PHTF2: variants seen among roughly 807,000 people sequenced by gnomAD.
The protein encoded by PHTF2 is protein PHTF2.
A neutral mutation model predicts 101.2 loss-of-function variants in PHTF2; 60 were observed. The observed-to-expected ratio is 0.59, with a 90% CI of 0.48 to 0.73. PHTF2 has a LOEUF of 0.73. Among genes scored for constraint, PHTF2 ranks in the 30% least tolerant of loss-of-function variants. PHTF2 has a pLI of 0.00. For synonymous variants in PHTF2, 311 were observed against 307.3 expected, an observed-to-expected ratio of 1.01 and a Z score of -0.13; for missense variants, 747 against 908.7, an observed-to-expected ratio of 0.82 and a Z score of 2.29.
intron 3 of PHTF2, among the ~76,000 whole-genome samples, chr7:77,870,537 C>G (rs192871453): frequency 2.0e-5 from 3 of 152,260 alleles, no homozygotes; most frequent in Admixed American, 1.3e-4. Flanking sequence ...TGTATGCTAG[C>G]CACACTGGCA....
intron 3 of PHTF2, among the ~76,000 whole-genome samples, chr7:77,888,408 G>A (rs569226653): frequency 3.3e-5 from 5 of 152,158 alleles, no homozygotes; most frequent in South Asian, 2.1e-4. Context: ...GAGCCGCTGC[G>A]CCCGGCCTAG....
At chr7:77,863,370 A>G (rs949000903) in intron 3 of PHTF2, among the ~76,000 whole-genome samples, 2 of 152,156 alleles carry the variant, frequency 1.3e-5, no homozygotes, top group South Asian at 2.1e-4. Flanking sequence ...TATTTTTCCA[A>G]TCTCAAAATG....
intron 13 of PHTF2, chr7:77,938,126 T>C (rs1252235601): frequency 6.4e-6 from 1 of 157,120 alleles, no homozygotes; most frequent in Non-Finnish European, 1.4e-5. Flanking sequence ...TTGTTAGATA[T>C]ATACAGGTGT....
At chr7:77,927,177 A>AATATATAT (rs386410516) in intron 11 of PHTF2, among the ~76,000 whole-genome samples, 3 of 78,160 alleles carry the variant, frequency 3.8e-5, no homozygotes, top group Admixed American at 1.8e-4. Flanking sequence ...AAAAAAAAAA[A>AATATATAT]ATATATATAT....
intron 2 of PHTF2, among the ~76,000 whole-genome samples, chr7:77,847,797 A>C (rs1183097626): frequency 6.6e-6 from 1 of 152,108 alleles, no homozygotes; most frequent in Non-Finnish European, 1.5e-5. Flanking sequence ...CAAGTACTGG[A>C]TCTTATTCAT....
intron 3 of PHTF2, among the ~76,000 whole-genome samples, chr7:77,857,341 A>C (rs1350930151): frequency 6.6e-6 from 1 of 152,190 alleles, no homozygotes; most frequent in East Asian, 1.9e-4. Flanking sequence ...ACCACAGGCC[A>C]TCATGGTACT....
intron 15 of PHTF2, among the ~76,000 whole-genome samples, chr7:77,941,253 T>G (rs1805614905): frequency 6.6e-6 from 1 of 152,198 alleles, no homozygotes; most frequent in Non-Finnish European, 1.5e-5. Flanking sequence ...GAAGCCCTAA[T>G]AATAATAATG....
At chr7:77,827,272 A>G (rs1794756078) in intron 1 of PHTF2, among the ~76,000 whole-genome samples, 1 of 152,162 alleles carries the variant, frequency 6.6e-6, no homozygotes, top group African/African-American at 2.4e-5. Flanking sequence ...CTCGTGTGGC[A>G]AGACATCTGA....
intron 2 of PHTF2, among the ~76,000 whole-genome samples, chr7:77,850,528 AC>A (rs1796672406): frequency 6.6e-6 from 1 of 151,130 alleles, no homozygotes; most frequent in African/African-American, 2.4e-5. Context: ...TGTAGTTGCA[AC>A]TACTTGGGAG....
chr7:77,843,268 T>G (rs1796026320), intron 2 of PHTF2, among the ~76,000 whole-genome samples: 1 of 152,244 alleles, frequency 6.6e-6, no homozygotes, highest in Non-Finnish European at 1.5e-5. Flanking sequence ...TTGTAATATT[T>G]CCAATCTGTG....
chr7:77,946,951 G>C (rs1280218380), intron 16 of PHTF2, among the ~76,000 whole-genome samples: 4 of 144,924 alleles, frequency 2.8e-5, no homozygotes, highest in Non-Finnish European at 4.5e-5. Context: ...GTGAGACCTG[G>C]TCTCTACAAA....
intron 1 of PHTF2, among the ~76,000 whole-genome samples, chr7:77,814,513 A>ATTTT (rs771740540): frequency 3.7e-5 from 5 of 134,910 alleles, no homozygotes; most frequent in African/African-American, 1.4e-4. Context: ...CTTGGGGGGC[A>ATTTT]TTTTTTTTTT....
intron 9 of PHTF2, among the ~76,000 whole-genome samples, chr7:77,911,039 TTTTC>T (rs1802344018): frequency 6.6e-6 from 1 of 152,224 alleles, no homozygotes; most frequent in Non-Finnish European, 1.5e-5. Context: ...TGTATAATTT[TTTTC>T]TTCTAAGTTC....
At chr7:77,836,119 C>CAAA (rs1210225270) in intron 1 of PHTF2, among the ~76,000 whole-genome samples, 9,750 of 64,242 alleles carry the variant, frequency 0.15, 588 homozygotes, top group Non-Finnish European at 0.19. Context: ...AACTCCATCT[C>CAAA]AAAAAAAAAA....
At chr7:77,833,578 TA>T (rs1237674008) in intron 1 of PHTF2, among the ~76,000 whole-genome samples, 5 of 152,168 alleles carry the variant, frequency 3.3e-5, no homozygotes, top group Non-Finnish European at 7.4e-5. Context: ...CTGGGCAGCA[TA>T]ATGAGACTCC....
chr7:77,808,704 T>C (rs777091898), intron 1 of PHTF2, among the ~76,000 whole-genome samples: 2 of 152,244 alleles, frequency 1.3e-5, no homozygotes, highest in East Asian at 3.9e-4. Flanking sequence ...TCTAGCCACC[T>C]TGGTATCTCA....
intron 1 of PHTF2, among the ~76,000 whole-genome samples, chr7:77,817,816 G>GT (rs1413044193): frequency 6.6e-6 from 1 of 152,048 alleles, no homozygotes; most frequent in Non-Finnish European, 1.5e-5. Context: ...ATGTTAAAAA[G>GT]TTTGAGTTCC....
At chr7:77,818,946 G>A (rs1473077392) in intron 1 of PHTF2, among the ~76,000 whole-genome samples, 2 of 152,030 alleles carry the variant, frequency 1.3e-5, no homozygotes, top group African/African-American at 4.8e-5. Context: ...TTCCTATAGA[G>A]GTCTTTCACC....
chr7:77,807,211 C>G (rs1194492430), intron 1 of PHTF2, among the ~76,000 whole-genome samples: 2 of 152,172 alleles, frequency 1.3e-5, no homozygotes, highest in Admixed American at 6.5e-5. Context: ...GTAAATATCT[C>G]TTTGAGACTC....
Sources: gnomAD v4.1 joint callset for allele counts (sites outside exome capture counted in the v4.1 genomes callset) on GRCh38, gnomAD v4.1.1 for gene constraint, MANE v1.5 for transcripts, NCBI Gene and HGNC (gene_info 2026-07-23, HGNC 2026-07-21) for gene names.